The following SLC25A12 variants were observed in gnomAD, a reference collection of about 807,000 sequenced individuals.
The protein encoded by SLC25A12 is electrogenic aspartate/glutamate antiporter SLC25A12, mitochondrial.
Under a neutral mutation model 83.3 loss-of-function variants are expected in SLC25A12, and 32 were observed. The ratio of observed to expected loss-of-function variants is 0.38; its 90% CI spans 0.29 to 0.52. SLC25A12 has a LOEUF of 0.52. Among genes scored for constraint, SLC25A12 ranks in the 20% least tolerant of loss-of-function variants. SLC25A12 has a pLI of 0.84. For missense variants in SLC25A12, 611 were observed against 835.6 expected (o/e 0.73, Z 3.31); for synonymous variants, 267 against 291.1 (o/e 0.92, Z 0.84).
intron 13 of SLC25A12, among the ~76,000 whole-genome samples, chr2:171,803,035 G>GA (rs1349814703): frequency 6.7e-6 from 1 of 150,162 alleles, no homozygotes; most frequent in East Asian, 2.0e-4. Flanking sequence ...ACATGTATAT[G>GA]AAAACATTAG....
intron 5 of SLC25A12, among the ~76,000 whole-genome samples, chr2:171,838,510 C>T (rs551085008): frequency 9.9e-5 from 15 of 152,122 alleles, no homozygotes; most frequent in Non-Finnish European, 2.1e-4. Context: ...TACCTCTTTT[C>T]TATCTCTTTC....
intron 2 of SLC25A12, among the ~76,000 whole-genome samples, chr2:171,888,443 A>G (rs984449119): frequency 1.3e-5 from 2 of 151,208 alleles, no homozygotes; most frequent in African/African-American, 4.9e-5. Context: ...TATTTTTTTA[A>G]TTATTATTTT....
intron 4 of SLC25A12, among the ~76,000 whole-genome samples, chr2:171,854,566 C>CA (rs199883613): frequency 0.019 from 2,872 of 148,808 alleles, 56 homozygotes; most frequent in Admixed American, 0.069. Context: ...GACTCCGTCT[C>CA]AAAAAAAAAC....
intron 8 of SLC25A12, among the ~76,000 whole-genome samples, chr2:171,830,332 T>C (rs1019579688): frequency 4.6e-5 from 7 of 152,222 alleles, no homozygotes; most frequent in Admixed American, 2.0e-4. Context: ...CTGATATATG[T>C]AAGAATATGT....
intron 2 of SLC25A12, among the ~76,000 whole-genome samples, chr2:171,890,237 G>T (rs982889601): frequency 6.6e-6 from 1 of 152,156 alleles, no homozygotes; most frequent in Non-Finnish European, 1.5e-5. Flanking sequence ...GTAAATATTT[G>T]TTGGGTAAAT....
chr2:171,798,190 T>G (rs1683638054), intron 13 of SLC25A12, among the ~76,000 whole-genome samples: 1 of 152,220 alleles, frequency 6.6e-6, no homozygotes, highest in African/African-American at 2.4e-5. Context: ...CATATGAATT[T>G]TTTAATGAGA....
chr2:171,881,147 T>TTTGTTG (rs199795106), intron 2 of SLC25A12, among the ~76,000 whole-genome samples: 6 of 152,086 alleles, frequency 3.9e-5, no homozygotes, highest in East Asian at 1.9e-4. Flanking sequence ...ATTTTCTTTT[T>TTTGTTG]TTGTTGTTGT....
At chr2:171,827,312 TTTTCCAACGATATGTTC>T (rs1270962072) in intron 8 of SLC25A12, among the ~76,000 whole-genome samples, 1 of 152,140 alleles carries the variant, frequency 6.6e-6, no homozygotes, top group Non-Finnish European at 1.5e-5. Context: ...CTTTTTTTTT[TTTTCCAACGATATGTTC>T]TTTCCAACCC....
chr2:171,825,368 T>A (rs1423016793), intron 9 of SLC25A12, among the ~76,000 whole-genome samples: 1 of 152,146 alleles, frequency 6.6e-6, no homozygotes, highest in Non-Finnish European at 1.5e-5. Flanking sequence ...GAATCATCAT[T>A]CCATGGAGCT....
chr2:171,831,014 A>C (rs1032792345), intron 8 of SLC25A12, among the ~76,000 whole-genome samples: 5 of 152,266 alleles, frequency 3.3e-5, no homozygotes, highest in Admixed American at 1.3e-4. Flanking sequence ...GTACACCATG[A>C]GCTACCACAC....
At chr2:171,847,036 T>C (rs939967141) in intron 4 of SLC25A12, among the ~76,000 whole-genome samples, 1 of 152,192 alleles carries the variant, frequency 6.6e-6, no homozygotes, top group Admixed American at 6.5e-5. Context: ...CATGAGTATT[T>C]GGACATTTTC....
intron 10 of SLC25A12, among the ~76,000 whole-genome samples, chr2:171,814,576 C>T (rs1282672241): frequency 6.6e-6 from 1 of 151,672 alleles, no homozygotes; most frequent in Non-Finnish European, 1.5e-5. Flanking sequence ...GTTTGTTGTA[C>T]ATATTTCATC....
intron 2 of SLC25A12, among the ~76,000 whole-genome samples, chr2:171,884,915 T>C (rs1574007890): frequency 6.6e-6 from 1 of 151,866 alleles, no homozygotes; most frequent in Non-Finnish European, 1.5e-5. Flanking sequence ...TAGTAGGCAA[T>C]TAAAAGTGTA....
chr2:171,851,203 T>G (rs888393732), intron 4 of SLC25A12, among the ~76,000 whole-genome samples: 10 of 151,928 alleles, frequency 6.6e-5, no homozygotes, highest in African/African-American at 1.9e-4. Context: ...TTGTTTGTTT[T>G]TTTTTTTGGA....
At chr2:171,796,194 G>A (rs182821916) in intron 13 of SLC25A12, among the ~76,000 whole-genome samples, 92 of 152,300 alleles carry the variant, frequency 6.0e-4, no homozygotes, top group Non-Finnish European at 9.8e-4. Flanking sequence ...CGATCCACTC[G>A]CCTTGGCCTT....
chr2:171,883,811 C>G (rs1377749200), intron 2 of SLC25A12, among the ~76,000 whole-genome samples: 1 of 152,088 alleles, frequency 6.6e-6, no homozygotes, highest in African/African-American at 2.4e-5. Context: ...ATTCTGTTTA[C>G]TTCCTTGGAC....
In SLC25A12 at chr2:171,791,445, A is replaced by G; in HGVS notation, c.1585+6T>C. The G allele has an allele frequency of 6.2e-7, 1 of 1,613,446 alleles. No homozygotes were observed. Among genetic ancestry groups the G allele is most frequent in the Non-Finnish European group, 8.5e-7 (1 of 1,179,364 alleles). ...TTCTTTCAGTTAAAAAAAAATTTGT[A>G]GTTACCTGCCATGGCTCCAGCTGCA... On this transcript the variant is annotated splice_donor_region_variant and intron_variant, in intron 15 of 17. Coordinates refer to ENST00000422440, the MANE Select transcript of SLC25A12 (RefSeq NM_003705.5).
intron 4 of SLC25A12, among the ~76,000 whole-genome samples, chr2:171,853,093 A>G (rs1487251030): frequency 6.6e-6 from 1 of 152,160 alleles, no homozygotes; most frequent in Non-Finnish European, 1.5e-5. Flanking sequence ...TGGGCTCAAG[A>G]GATCCTCCCA....
chr2:171,824,226 G>A (rs1684253357), intron 9 of SLC25A12, among the ~76,000 whole-genome samples: 2 of 152,160 alleles, frequency 1.3e-5, no homozygotes, highest in Non-Finnish European at 2.9e-5. Context: ...ACTGAAGACA[G>A]GCAAATCATC....
Sources: gnomAD v4.1 joint callset for allele counts (sites outside exome capture counted in the v4.1 genomes callset) on GRCh38, gnomAD v4.1.1 for gene constraint, MANE v1.5 for transcripts, NCBI Gene and HGNC (gene_info 2026-07-23, HGNC 2026-07-21) for gene names.